Variants in PRAG1 observed in about 807,000 individuals in gnomAD.
PRAG1 encodes the protein PEAK1 related, kinase-activating pseudokinase 1.
Under a neutral mutation model 95.6 loss-of-function variants are expected in PRAG1, and 110 were observed. That is an observed-to-expected ratio of 1.15 (90% CI 0.99 to 1.35). PRAG1 has a LOEUF of 1.35. PRAG1 is among the 40% of genes most tolerant of loss of function. The probability of loss-of-function intolerance (pLI) is 0.00; values close to 1 mark genes in which losing one functional copy is unlikely to be tolerated. For missense variants in PRAG1, 2,554 were observed against 1,864.7 expected (o/e 1.37, Z -6.81); for synonymous variants, 1,052 against 819.4 (o/e 1.28, Z -4.85).
At position 8,339,555 on chromosome 8, in the gene PRAG1, A is replaced by G; in HGVS notation, c.2243T>C (p.Phe748Ser). 6.2e-7 allele frequency: 1 copy of G among 1,614,168 alleles called. No individual in the cohort carries two copies. The highest frequency in any genetic ancestry group is 8.5e-7 in the Non-Finnish European group (1 of 1,180,028). The change falls in exon 4 of 6, where the codon TTC becomes TCC. Residue 748 changes from phenylalanine (F) to serine (S), a missense_variant. Phe to Ser is a radical substitution (Grantham distance 155). Transcript: ENST00000615670. Reference sequence around the variant, plus strand: ...GGTGAAGCTGACGTGGACACCCCTGAAGGATGGGCTGAGGCTTTCTGCAGA... The same window carrying G: ...GGTGAAGCTGACGTGGACACCCCTGGAGGATGGGCTGAGGCTTTCTGCAGA... ...QGSAESLSPS[F>S]RGVHVSFTTG...
At chr8:8,361,597 A>G (rs182887458) in intron 3 of PRAG1, among the ~76,000 whole-genome samples, 6 of 152,354 alleles carry the variant, frequency 3.9e-5, no homozygotes, top group African/African-American at 1.4e-4. Context: ...ACCAGCATAG[A>G]GCATAATCAA....
intron 3 of PRAG1, among the ~76,000 whole-genome samples, chr8:8,342,259 T>C (rs571713481): frequency 1.3e-4 from 20 of 150,692 alleles, no homozygotes; most frequent in Admixed American, 6.6e-4. Flanking sequence ...AGTGGCACCA[T>C]CTTGGCTCAT....
Position 8,377,009 on chromosome 8 carries a change from G to T in PRAG1, c.1400C>A (p.Thr467Asn). 1 of 1,613,888 alleles carries T rather than the reference G, an allele frequency of 6.2e-7. No individual in the cohort carries two copies. Among genetic ancestry groups the T allele is most frequent in the Non-Finnish European group, 8.5e-7 (1 of 1,179,974 alleles). Residue 467 changes from threonine (T) to asparagine (N), a missense_variant, in exon 3 of 6, where the codon ACT (threonine) becomes AAT (asparagine). Physicochemically the swap from Thr to Asn is moderately conservative, Grantham distance 65. Coordinates refer to ENST00000615670, the MANE Select transcript of PRAG1 (RefSeq NM_001080826.3). ...SGWGRDSPDPTPQVSATITVM... is the reference protein window; with the variant it reads ...SGWGRDSPDPNPQVSATITVM... The stretch of plus-strand genomic sequence containing the variant: ...TGTGATGGTGGCTGACACCTGGGGA[G>T]TTGGGTCTGGGCTGTCCCGGCCCCA...
chr8:8,364,092 T>C (rs1325719417), intron 3 of PRAG1, among the ~76,000 whole-genome samples: 3 of 152,242 alleles, frequency 2.0e-5, no homozygotes, highest in Admixed American at 2.0e-4. Flanking sequence ...TGTGAATATA[T>C]ACTCAGGAAT....
intron 3 of PRAG1, among the ~76,000 whole-genome samples, chr8:8,361,348 T>C (rs1041361302): frequency 2.0e-5 from 3 of 152,190 alleles, no homozygotes; most frequent in African/African-American, 7.2e-5. Context: ...ATCTGGGTTA[T>C]ATGGTGGGAG....
At chr8:8,331,067 G>C (rs752993750) in intron 4 of PRAG1, among the ~76,000 whole-genome samples, 9 of 152,134 alleles carry the variant, frequency 5.9e-5, no homozygotes, top group Non-Finnish European at 1.2e-4. Context: ...CACAACAGAA[G>C]CTGAGGCTGG....
chr8:8,347,478 T>C (rs540209744), intron 3 of PRAG1, among the ~76,000 whole-genome samples: 1 of 152,340 alleles, frequency 6.6e-6, no homozygotes, highest in African/African-American at 2.4e-5. Flanking sequence ...GCAATTCAAA[T>C]ATGCTCTAAA....
At position 8,319,805 on chromosome 8, in the gene PRAG1, C is replaced by CA. The variant is rs139868757; in HGVS notation, c.3073-504dup. 8.6e-5 allele frequency among the ~76,000 whole-genome samples: 13 copies of CA among 152,020 alleles called. No individual in the cohort carries two copies. In the East Asian group the frequency reaches 2.3e-3, roughly 27 times the overall value. ...CAAGAGATATGAATAGGTAATTCAC[C>CA]AAAAAAATTTGTAAATGGCCACAAG... On this transcript the variant is annotated intron_variant, in intron 5 of 5. Coordinates refer to ENST00000615670, the MANE Select transcript of PRAG1 (RefSeq NM_001080826.3).
At chr8:8,350,092 GA>G (rs1403230443) in intron 3 of PRAG1, among the ~76,000 whole-genome samples, 1 of 152,168 alleles carries the variant, frequency 6.6e-6, no homozygotes, top group Non-Finnish European at 1.5e-5. Context: ...ACTTTAGCAT[GA>G]GAGATAGAAA....
chr8:8,329,965 A>C (rs1288090273), intron 4 of PRAG1, among the ~76,000 whole-genome samples: 1 of 152,238 alleles, frequency 6.6e-6, no homozygotes, highest in Non-Finnish European at 1.5e-5. Flanking sequence ...CCTGTTGAAC[A>C]CAGGAGCTGA....
chr8:8,343,578 A>T (rs999371015), intron 3 of PRAG1, among the ~76,000 whole-genome samples: 6 of 152,238 alleles, frequency 3.9e-5, no homozygotes, highest in Non-Finnish European at 7.3e-5. Context: ...TTGGGTCATG[A>T]TATTAATGTT....
intron 1 of PRAG1, among the ~76,000 whole-genome samples, chr8:8,383,816 G>C (rs1035163265): frequency 6.6e-6 from 1 of 152,068 alleles, no homozygotes; most frequent in Non-Finnish European, 1.5e-5. Context: ...GGAGGAAATA[G>C]CCAGGTTTTG....
rs199670101 is a variant in PRAG1, at chr8:8,376,661, A to T, written c.1748T>A (p.Ile583Asn). 6.2e-7 allele frequency: 1 copy of T among 1,610,578 alleles called. No individual in the cohort carries two copies. The highest frequency in any genetic ancestry group is 8.5e-7 in the Non-Finnish European group (1 of 1,179,096). The change falls in exon 3 of 6, where the codon ATT (isoleucine) becomes AAT (asparagine). Residue 583 changes from isoleucine (I) to asparagine (N), a missense_variant. Transcript: ENST00000615670. ...LSDGSSGGSS[I>N]GPQPPSQGPA... is the part of the protein sequence containing the mutation. Reference sequence around the variant, plus strand: ...ACCTTGGGATGGAGGCTGGGGCCCAATGCTGCTGCCGCCAGAGCTCCCATC... The same window carrying T: ...ACCTTGGGATGGAGGCTGGGGCCCATTGCTGCTGCCGCCAGAGCTCCCATC...
rs1470559658 is a variant in PRAG1, at chr8:8,373,454, A to ATTGTTTTTTTTTTTTTTT, written c.2162+2792_2162+2793insAAAAAAAAAAAAAAACAA. On this transcript the variant is annotated intron_variant, in intron 3 of 5. Coordinates refer to ENST00000615670, the MANE Select transcript of PRAG1 (RefSeq NM_001080826.3). ...CTCTTAAGCTAATTTTATTTTCTAG[A>ATTGTTTTTTTTTTTTTTT]TTTTTTTTTTTTTGAGACAGGGTCT... Among the ~76,000 whole-genome samples, 76 of 138,308 alleles carry ATTGTTTTTTTTTTTTTTT rather than the reference A, an allele frequency of 5.5e-4. 1 individual carries two copies. The highest frequency in any genetic ancestry group is 1.2e-3 in the South Asian group (5 of 4,132). 90.7% of individuals were successfully genotyped at this position (138,308 alleles called of 152,430 possible).
rs1383986386 is a variant in PRAG1 at position 8,328,348 on chromosome 8, G to A, written c.2434C>T (p.Pro812Ser). The change falls in exon 5 of 6, where the codon CCC (proline) becomes TCC (serine). Residue 812 changes from proline to serine, a missense_variant. Pro to Ser is a moderately conservative substitution (Grantham distance 74). Transcript: ENST00000615670. ...ATCTTTTTCTGGGGGAGTGGAGGGG[G>A]CTGCTGGGGGCCACTGGGGGACACG... The part of the protein sequence containing the change: ...EDVSPSGPQQ[P>S]PPLPQKKIVS... The A allele has an allele frequency of 1.9e-6, 3 of 1,613,492 alleles. No homozygotes were observed. The highest frequency in any genetic ancestry group is 2.5e-6 in the Non-Finnish European group (3 of 1,179,824).
intron 2 of PRAG1, among the ~76,000 whole-genome samples, chr8:8,380,580 T>A (rs1380340763): frequency 7.1e-6 from 1 of 141,174 alleles, no homozygotes; most frequent in African/African-American, 2.7e-5. Flanking sequence ...AAAGAAAAAT[T>A]AGCGGTGCCT....
rs758272935 is a variant in PRAG1, at chr8:8,377,848, A to T, written c.561T>A (p.Ala187=). The change falls in exon 3 of 6, where the codon GCT becomes GCA. Residue 187 remains alanine (A), a synonymous_variant. Transcript: ENST00000615670. ...GAAATGAGGGTTTTTCTTTGTGCAC[A>T]GCCTTCTCCTCCGGGAAGCTCACCG... ...FHPVSFPEEK[A]VHKEKPSFPY... 1.9e-6 allele frequency: 3 copies of T among 1,614,084 alleles called. No individual in the cohort carries two copies. Among genetic ancestry groups the T allele is most frequent in the Non-Finnish European group, 2.5e-6 (3 of 1,180,030 alleles).
chr8:8,367,621 G>C (rs1015099050), intron 3 of PRAG1, among the ~76,000 whole-genome samples: 7 of 151,436 alleles, frequency 4.6e-5, no homozygotes, highest in Admixed American at 4.0e-4. Context: ...TATCTCAACT[G>C]TTCTTGTATG....
At chr8:8,350,873 T>C (rs996168396) in intron 3 of PRAG1, among the ~76,000 whole-genome samples, 1 of 151,968 alleles carries the variant, frequency 6.6e-6, no homozygotes, top group Non-Finnish European at 1.5e-5. Flanking sequence ...AACAGCACCA[T>C]GTACATAGAA....
Sources: gnomAD v4.1 joint callset for allele counts (sites outside exome capture counted in the v4.1 genomes callset) on GRCh38, gnomAD v4.1.1 for gene constraint, MANE v1.5 for transcripts, NCBI Gene and HGNC (gene_info 2026-07-23, HGNC 2026-07-21) for gene names.